Variants in OTUD4 observed in about 807,000 individuals in gnomAD.
OTUD4 encodes the protein OTU domain-containing protein 4.
A neutral mutation model predicts 130.4 loss-of-function variants in OTUD4; 24 were observed. The ratio of observed to expected loss-of-function variants is 0.18; its 90% CI spans 0.13 to 0.26. The LOEUF is 0.26. Among genes scored for constraint, OTUD4 ranks in the 10% least tolerant of loss-of-function variants. The pLI is 1.00. For missense variants in OTUD4, 1,031 were observed against 1,329.4 expected (o/e 0.78, Z 3.49); for synonymous variants, 420 against 472.5 (o/e 0.89, Z 1.44).
intron 6 of OTUD4, among the ~76,000 whole-genome samples, chr4:145,160,703 C>A (rs1030619027): frequency 2.6e-5 from 4 of 152,098 alleles, no homozygotes; most frequent in African/African-American, 9.7e-5. Flanking sequence ...ATTCCAGCTA[C>A]GCAGGAGGCC....
intron 13 of OTUD4, among the ~76,000 whole-genome samples, chr4:145,150,290 T>C (rs771936919): frequency 6.6e-6 from 1 of 151,984 alleles, no homozygotes; most frequent in Non-Finnish European, 1.5e-5. Context: ...TTTGAAAAAA[T>C]TACTAAAAAA....
chr4:145,173,516 G>A (rs1752279363), intron 2 of OTUD4, among the ~76,000 whole-genome samples: 1 of 152,082 alleles, frequency 6.6e-6, no homozygotes. Context: ...TACCCTCTGG[G>A]GCCAATGATT....
In OTUD4 at chr4:145,146,449, T is replaced by G. The variant is rs976402027; in HGVS notation, c.1260-20A>C. 5.8e-6 allele frequency: 8 copies of G among 1,369,118 alleles called. No individual in the cohort carries two copies. The highest frequency in any genetic ancestry group is 7.9e-6 in the Non-Finnish European group (8 of 1,016,450). The allele number at this position is 1,369,118 out of a possible 1,614,324, so 84.8% of individuals were successfully genotyped here. A position where few individuals can be genotyped will look rare whatever the true frequency, so the allele number is the denominator to read the frequency against. ...GGTTTTCTGTCAAATAAAACATTCT[T>G]GTCAGAAAATACATAAATAAATAAA... On this transcript the variant is annotated intron_variant, in intron 13 of 20. Transcript: ENST00000447906.
In OTUD4 at chr4:145,138,452, T is replaced by C; in HGVS notation, c.2323A>G (p.Ser775Gly). ...DAHFPMQTEA[S>G]VNGQMPQPEI... is the part of the protein sequence containing the mutation. ...GGCTGTGGCATTTGACCATTAACAC[T>C]GGCCTCAGTCTGCATAGGAAAGTGG... The change falls in exon 21 of 21, where the codon AGT becomes GGT. Residue 775 changes from serine to glycine, a missense_variant. Physicochemically the swap from Ser to Gly is moderately conservative, Grantham distance 56. Transcript: ENST00000447906. 6.2e-7 allele frequency: 1 copy of C among 1,614,168 alleles called. No individual in the cohort carries two copies. Among genetic ancestry groups the C allele is most frequent in the Non-Finnish European group, 8.5e-7 (1 of 1,180,022 alleles).
rs1364048601 is a variant in OTUD4 at position 145,134,821 on chromosome 4, C to G, written c.*2609G>C. ...GCTGGAATCAAGTTCAGCCAAAGCA[C>G]CTAACACAAAAAACAGGTGAGCTTT... On this transcript the variant is annotated 3_prime_UTR_variant, in exon 21 of 21. Transcript: ENST00000447906. 4 of 398,784 alleles carry G rather than the reference C, an allele frequency of 1.0e-5. No individual in the cohort carries two copies. The highest frequency in any genetic ancestry group is 8.2e-5 in the African/African-American group (4 of 48,594). 24.7% of individuals were successfully genotyped at this position (398,784 alleles called of 1,614,324 possible). A position where few individuals can be genotyped will look rare whatever the true frequency, so the allele number is the denominator to read the frequency against.
chr4:145,147,545 T>C (rs1044686996), intron 13 of OTUD4, among the ~76,000 whole-genome samples: 2 of 152,194 alleles, frequency 1.3e-5, no homozygotes. Context: ...CTTCATCTCA[T>C]CCTCACCTAC....
At chr4:145,144,534 T>G in intron 14 of OTUD4, 100 bp from the exon 15 acceptor site, 2 of 1,206,236 alleles carry the variant, frequency 1.7e-6, no homozygotes, top group Non-Finnish European at 2.3e-6. Context: ...TTCTAAAATC[T>G]TAAAATTCAC....
At chr4:145,144,744 A>T (rs1231817687) in intron 14 of OTUD4, among the ~76,000 whole-genome samples, 1 of 152,102 alleles carries the variant, frequency 6.6e-6, no homozygotes, top group Non-Finnish European at 1.5e-5. Flanking sequence ...TTTTCTTTCA[A>T]AAAAAACAAC....
intron 1 of OTUD4, among the ~76,000 whole-genome samples, chr4:145,176,141 C>T (rs1341268448): frequency 1.3e-5 from 2 of 151,534 alleles, no homozygotes; most frequent in Admixed American, 6.6e-5. Flanking sequence ...GGTGATCTGC[C>T]CGCCTGGGCC....
chr4:145,163,703 CTT>C (rs11430342), intron 5 of OTUD4, among the ~76,000 whole-genome samples: 30 of 126,448 alleles, frequency 2.4e-4, no homozygotes, highest in Non-Finnish European at 2.7e-4. Flanking sequence ...TAATAGGAAC[CTT>C]TTTTTTTTTT....
At chr4:145,165,657 A>G (rs1427432774) in intron 3 of OTUD4, among the ~76,000 whole-genome samples, 1 of 151,964 alleles carries the variant, frequency 6.6e-6, no homozygotes, top group Non-Finnish European at 1.5e-5. Context: ...TTGTATTTTT[A>G]GTAGAGACGG....
chr4:145,179,739 G>GC, intron 1 of OTUD4, 76 bp downstream of exon 1: 3 of 1,435,286 alleles, frequency 2.1e-6, no homozygotes, highest in Non-Finnish European at 2.7e-6. Context: ...CGGACAGCCC[G>GC]CAGCTGCCTC....
At position 145,136,281 on chromosome 4, in the gene OTUD4, G is replaced by C. The variant is rs1382239009; in HGVS notation, c.*1149C>G. On this transcript the variant is annotated 3_prime_UTR_variant, in exon 21 of 21. Transcript: ENST00000447906. Reference sequence around the variant, plus strand: ...ATACTGCAAAGACTGGAAGAAAACAGAATGTAAGATGTTACCTACCTAAGG... The same window carrying C: ...ATACTGCAAAGACTGGAAGAAAACACAATGTAAGATGTTACCTACCTAAGG... 6.6e-6 allele frequency: 1 copy of C among 152,298 alleles called. No individual in the cohort carries two copies. Among genetic ancestry groups the C allele is most frequent in the African/African-American group, 2.4e-5 (1 of 41,382 alleles). 9.4% of individuals were successfully genotyped at this position (152,298 alleles called of 1,614,324 possible). A position where few individuals can be genotyped will look rare whatever the true frequency, so the allele number is the denominator to read the frequency against.
chr4:145,156,076 C>A (rs1200273017), intron 7 of OTUD4, 80 bp from the exon 8 acceptor site: 2 of 1,118,342 alleles, frequency 1.8e-6, no homozygotes, highest in Admixed American at 2.2e-5. Context: ...TAAACGTCTT[C>A]AAAGTCAGAA....
rs140422827 is a variant in OTUD4 at position 145,178,931 on chromosome 4, T to G, written c.159+884A>C. On this transcript the variant is annotated intron_variant, in intron 1 of 20. Transcript: ENST00000447906. ...AGGTCCTAGGTCAAAGGAAAGCACA[T>G]GTGAATCGTCTGAAAGACACACCAG... Among the ~76,000 whole-genome samples, 71 of 152,230 alleles carry G rather than the reference T, an allele frequency of 4.7e-4. 2 individuals carry two copies. In the East Asian group the frequency reaches 0.011, roughly 23 times the overall value.
At chr4:145,148,242 G>GT (rs1750910610) in intron 13 of OTUD4, among the ~76,000 whole-genome samples, 1 of 152,224 alleles carries the variant, frequency 6.6e-6, no homozygotes, top group Admixed American at 6.5e-5. Flanking sequence ...GCTCACGCCT[G>GT]TAATCCCAGC....
intron 17 of OTUD4, 85 bp from the exon 18 acceptor site, chr4:145,142,419 A>G: frequency 1.7e-6 from 2 of 1,176,692 alleles, no homozygotes; most frequent in Non-Finnish European, 2.5e-6. Context: ...CCAGATACAT[A>G]TTGAGTTGCC....
chr4:145,162,671 T>C lies in OTUD4; in HGVS notation c.465A>G (p.Ile155Met). 2 of 1,561,070 alleles carry C rather than the reference T, an allele frequency of 1.3e-6. No individual in the cohort carries two copies. Among genetic ancestry groups the C allele is most frequent in the East Asian group, 2.3e-5 (1 of 43,336 alleles). ...NGNHYDIVYP[I>M]KYKESSAMCQ... The stretch of plus-strand genomic sequence containing the variant: ...ACATAGCAGAGCTTTCTTTATACTT[T>C]ATGGGATACACAATATCATAATGAT... The change falls in exon 6 of 21, where the codon ATA (isoleucine) becomes ATG (methionine). Residue 155 changes from isoleucine (I) to methionine (M), a missense_variant. By Grantham distance (10) the Ile-to-Met change is conservative (BLOSUM62 1). Transcript: ENST00000447906.
At chr4:145,155,867 T>A (rs1298331659) in intron 8 of OTUD4, 69 bp downstream of exon 8, 1 of 1,320,030 alleles carries the variant, frequency 7.6e-7, no homozygotes, top group Non-Finnish European at 1.1e-6. Flanking sequence ...AAGAAAAAAA[T>A]TAAGATTTTA....
Sources: allele counts gnomAD v4.1 joint callset (sites outside exome capture counted in the v4.1 genomes callset), GRCh38; gene constraint gnomAD v4.1.1; transcripts MANE v1.5; gene names NCBI Gene and HGNC (gene_info 2026-07-23, HGNC 2026-07-21).